NUAK1: variants seen among roughly 807,000 people sequenced by gnomAD.
The protein encoded by NUAK1 is NUAK family SNF1-like kinase 1.
NUAK1 carries 26 observed loss-of-function variants against 56.9 expected under a neutral mutation model. The ratio of observed to expected loss-of-function variants is 0.46; its 90% CI spans 0.33 to 0.63. The LOEUF (loss-of-function observed/expected upper bound fraction) is 0.63. Ranked by LOEUF, NUAK1 falls within the 30% of genes least tolerant of loss-of-function variation. The pLI, the probability that NUAK1 is intolerant of heterozygous loss-of-function variation, is 0.02. For synonymous variants in NUAK1, 337 were observed against 336.0 expected, an observed-to-expected ratio of 1.00 and a Z score of -0.03; for missense variants, 727 against 876.1, an observed-to-expected ratio of 0.83 and a Z score of 2.15.
chr12:106,121,845 C>T (rs756086838), intron 1 of NUAK1, among the ~76,000 whole-genome samples: 7 of 152,038 alleles, frequency 4.6e-5, no homozygotes, highest in Non-Finnish European at 7.4e-5. Flanking sequence ...TTGGTGGATC[C>T]CTACACACAC....
At chr12:106,068,106 C>G in intron 6 of NUAK1, 151 bp from the exon 7 acceptor site, 2 of 705,692 alleles carry the variant, frequency 2.8e-6, no homozygotes, top group Non-Finnish European at 4.5e-6. Flanking sequence ...GAGCAGGAAG[C>G]CCCAGCCTTT....
chr12:106,132,098 G>A (rs1316337326), intron 1 of NUAK1, among the ~76,000 whole-genome samples: 1 of 152,182 alleles, frequency 6.6e-6, no homozygotes, highest in Non-Finnish European at 1.5e-5. Flanking sequence ...AGAAGCCACG[G>A]CCAGAAACCT....
At chr12:106,084,418 C>T (rs1180664495) in intron 3 of NUAK1, among the ~76,000 whole-genome samples, 1 of 152,210 alleles carries the variant, frequency 6.6e-6, no homozygotes, top group African/African-American at 2.4e-5. Flanking sequence ...TCAATCTATT[C>T]CGACCTGTTT....
intron 4 of NUAK1, among the ~76,000 whole-genome samples, chr12:106,077,427 C>T (rs1207817393): frequency 2.0e-5 from 3 of 152,246 alleles, no homozygotes; most frequent in East Asian, 1.9e-4. Flanking sequence ...ATGGTTTGGC[C>T]GACTTAACAA....
chr12:106,099,186 G>C (rs1331665518), intron 2 of NUAK1, among the ~76,000 whole-genome samples: 1 of 152,194 alleles, frequency 6.6e-6, no homozygotes, highest in Non-Finnish European at 1.5e-5. Flanking sequence ...TAACCCCAGG[G>C]TTTGGTTCAA....
At chr12:106,094,647 C>T (rs2032675694) in intron 2 of NUAK1, among the ~76,000 whole-genome samples, 2 of 152,208 alleles carry the variant, frequency 1.3e-5, no homozygotes, top group Admixed American at 1.3e-4. Context: ...TGTTCACTCA[C>T]TGTCTTTTCT....
Position 106,138,338 on chromosome 12 carries a change from C to G in NUAK1, c.240+76G>C. 1 of 1,513,764 alleles carries G rather than the reference C, an allele frequency of 6.6e-7. No individual in the cohort carries two copies. The allele number at this position is 1,513,764 out of a possible 1,614,324, so 93.8% of individuals were successfully genotyped here. ...CAAGAGAGCCCCAGGGCGCACAGAC[C>G]CCCGCCTCGCACGCCCTCAGTCCCC... On this transcript the variant is annotated intron_variant, in intron 1 of 6. Coordinates refer to ENST00000261402, the MANE Select transcript of NUAK1 (RefSeq NM_014840.3). This position sits in a 1 kb window ranked among gnomAD's most constrained non-coding sequence, Gnocchi z 5.0.
chr12:106,096,705 G>A (rs752602363), intron 2 of NUAK1, among the ~76,000 whole-genome samples: 11 of 152,200 alleles, frequency 7.2e-5, no homozygotes, highest in Non-Finnish European at 1.2e-4. Context: ...ACCCAAGCCC[G>A]AAGGTATCAT....
chr12:106,067,093 G>A lies in NUAK1; in HGVS notation c.1695C>T (p.Tyr565=), dbSNP rs142540856. Residue 565 remains tyrosine (Y), a synonymous_variant, in exon 7 of 7, where the codon TAC becomes TAT. Coordinates refer to ENST00000261402, the MANE Select transcript of NUAK1 (RefSeq NM_014840.3). The surrounding 1 kb of genome is among the most constrained non-coding windows in gnomAD (Gnocchi z 6.0). The part of the protein sequence containing the change: ...GVPAEGLSRS[Y]SRPSSVISDD... ...CGCTGATGACACTGGAAGGGCGGCT[G>A]TAGCTCCGGGAGAGGCCCTCGGCAG... 4.3e-5 allele frequency: 70 copies of A among 1,614,142 alleles called. No individual in the cohort carries two copies. The highest frequency in any genetic ancestry group is 5.6e-5 in the Non-Finnish European group (66 of 1,180,058).
chr12:106,100,680 G>A (rs554134815), intron 2 of NUAK1, among the ~76,000 whole-genome samples: 3 of 152,244 alleles, frequency 2.0e-5, no homozygotes, highest in Admixed American at 1.3e-4. Context: ...TGAATAAATC[G>A]CTTTTTCTCT....
chr12:106,067,288 G>T lies in NUAK1; in HGVS notation c.1500C>A (p.Ser500Arg). The T allele has an allele frequency of 6.2e-7, 1 of 1,614,108 alleles. No individual in the cohort carries two copies. ...GGTCCGGGGGGCTGGGGGAGGGGAT[G>T]CTGCTGCCCATCACATCATTACTGT... ...LLDSNDVMGS[S>R]IPSPSPPDPA... Residue 500 changes from serine (S) to arginine (R), a missense_variant, in exon 7 of 7, where the codon AGC becomes AGA. Coordinates refer to ENST00000261402, the MANE Select transcript of NUAK1 (RefSeq NM_014840.3). The surrounding 1 kb of genome is among the most constrained non-coding windows in gnomAD (Gnocchi z 6.0).
In NUAK1 at chr12:106,089,733, G is replaced by A. The variant is rs369658095; in HGVS notation, c.362-2848C>T. On this transcript the variant is annotated intron_variant, in intron 2 of 6. Transcript: ENST00000261402. ...GAACCCAGGAGGTGGAGGTTGCAGT[G>A]AGCCGAGATCACACCACTGCACCCC... Among the ~76,000 whole-genome samples, 328 of 150,958 alleles carry A rather than the reference G, an allele frequency of 2.2e-3. 1 individual carries two copies. The highest frequency in any genetic ancestry group is 6.8e-3 in the African/African-American group (281 of 41,028).
At chr12:106,115,419 GCAATGTA>G (rs1262338776) in intron 1 of NUAK1, among the ~76,000 whole-genome samples, 1 of 152,168 alleles carries the variant, frequency 6.6e-6, no homozygotes, top group Non-Finnish European at 1.5e-5. Flanking sequence ...CTGATTTATA[GCAATGTA>G]CAAGACCTAT....
intron 2 of NUAK1, among the ~76,000 whole-genome samples, chr12:106,099,982 G>C (rs1291057152): frequency 6.7e-6 from 1 of 148,516 alleles, no homozygotes; most frequent in African/African-American, 2.5e-5. Context: ...GGTAGAGACG[G>C]GGTTTCACCA....
intron 6 of NUAK1, among the ~76,000 whole-genome samples, chr12:106,068,976 G>A (rs1465344466): frequency 6.6e-6 from 1 of 152,154 alleles, no homozygotes; most frequent in Non-Finnish European, 1.5e-5. Flanking sequence ...GAACCGCATT[G>A]GCATCAGTTA....
intron 3 of NUAK1, among the ~76,000 whole-genome samples, chr12:106,085,924 C>T (rs190379853): frequency 6.6e-6 from 1 of 152,274 alleles, no homozygotes; most frequent in Non-Finnish European, 1.5e-5. Context: ...CCTGGCTGGT[C>T]TTGAACTCCT....
At chr12:106,102,008 G>T (rs2032754582) in intron 2 of NUAK1, among the ~76,000 whole-genome samples, 1 of 152,186 alleles carries the variant, frequency 6.6e-6, no homozygotes, top group South Asian at 2.1e-4. Flanking sequence ...AGGGAAGGGA[G>T]GGGAGCTGCC....
intron 1 of NUAK1, among the ~76,000 whole-genome samples, chr12:106,129,577 T>C (rs1432294240): frequency 6.6e-6 from 1 of 152,186 alleles, no homozygotes; most frequent in Non-Finnish European, 1.5e-5. Context: ...GACCCATGCA[T>C]GAGCCTTGAA....
chr12:106,114,668 G>C (rs61940216), intron 1 of NUAK1, among the ~76,000 whole-genome samples: 1 of 152,180 alleles, frequency 6.6e-6, no homozygotes, highest in African/African-American at 2.4e-5. Context: ...CACTGGAATT[G>C]CAACAAGAGA....
Sources: allele counts gnomAD v4.1 joint callset (sites outside exome capture counted in the v4.1 genomes callset), GRCh38; gene constraint gnomAD v4.1.1; non-coding constraint Gnocchi (gnomAD v3.1); transcripts MANE v1.5; gene names NCBI Gene and HGNC (gene_info 2026-07-23, HGNC 2026-07-21).